CNTNAP3: variants seen among roughly 807,000 people sequenced by gnomAD.
CNTNAP3 encodes the protein contactin-associated protein-like 3.
CNTNAP3 carries 36 observed loss-of-function variants against 92.1 expected under a neutral mutation model. The observed-to-expected ratio is 0.39, with a 90% CI of 0.30 to 0.52. The LOEUF (loss-of-function observed/expected upper bound fraction) is 0.52. CNTNAP3 is among the 20% of genes least tolerant of loss of function. The pLI is 0.76. For missense variants in CNTNAP3, 534 were observed against 1,069.6 expected, an observed-to-expected ratio of 0.50 and a Z score of 6.98; for synonymous variants, 232 against 422.3, an observed-to-expected ratio of 0.55 and a Z score of 5.53.
chr9:39,147,172 A>C (rs770828378), intron 10 of CNTNAP3, among the ~76,000 whole-genome samples: 2 of 151,710 alleles, frequency 1.3e-5, no homozygotes, highest in Non-Finnish European at 2.9e-5. Context: ...AGCCATGTGG[A>C]ACTGTGAATC....
At chr9:39,087,590 C>T (rs1221238577) in intron 19 of CNTNAP3, among the ~76,000 whole-genome samples, 1 of 152,040 alleles carries the variant, frequency 6.6e-6, no homozygotes, top group African/African-American at 2.4e-5. Context: ...GGGTTCACGC[C>T]ATTCTCCTGC....
At chr9:39,161,656 C>CAAT (rs4062749) in intron 9 of CNTNAP3, among the ~76,000 whole-genome samples, 21,705 of 124,216 alleles carry the variant, frequency 0.17, 2,383 homozygotes, top group African/African-American at 0.21. Flanking sequence ...TCTCTACAAA[C>CAAT]AATAATAATA....
chr9:39,137,324 C>T (rs943969541), intron 12 of CNTNAP3, among the ~76,000 whole-genome samples: 2 of 151,858 alleles, frequency 1.3e-5, no homozygotes, highest in Non-Finnish European at 2.9e-5. Flanking sequence ...TTCTGTTATG[C>T]TGTTTTTGAT....
intron 21 of CNTNAP3, among the ~76,000 whole-genome samples, chr9:39,080,349 G>C (rs1308655801): frequency 7.3e-6 from 1 of 137,218 alleles, no homozygotes; most frequent in Non-Finnish European, 1.6e-5. Flanking sequence ...GCATCACCAG[G>C]AAACCTGGTG....
At chr9:39,115,646 G>T (rs921495681) in intron 14 of CNTNAP3, among the ~76,000 whole-genome samples, 23 of 151,988 alleles carry the variant, frequency 1.5e-4, no homozygotes, top group Non-Finnish European at 2.5e-4. Context: ...GCTCCCTTCT[G>T]AATGTAGGAG....
intron 10 of CNTNAP3, among the ~76,000 whole-genome samples, chr9:39,146,541 T>C (rs1821704354): frequency 1.3e-5 from 2 of 152,134 alleles, no homozygotes; most frequent in Non-Finnish European, 2.9e-5. Context: ...TACAAAAAAT[T>C]AGCCAGGTGT....
rs1370028972 is a variant in CNTNAP3 at position 39,133,524 on chromosome 9, G to C, written c.1877-389C>G. Among the ~76,000 whole-genome samples, 4 of 150,958 alleles carry C rather than the reference G, an allele frequency of 2.6e-5. No individual in the cohort carries two copies. In the East Asian group the frequency reaches 7.8e-4, roughly 29 times the overall value. ...ATGTGCCTCTATTTCTTTCATTATC[G>C]AATAAATTTATAAAAGATACATATT... On this transcript the variant is annotated intron_variant, in intron 12 of 23. Transcript: ENST00000297668.
At chr9:39,142,031 C>G (rs532240410) in intron 11 of CNTNAP3, among the ~76,000 whole-genome samples, 3 of 152,228 alleles carry the variant, frequency 2.0e-5, no homozygotes, top group African/African-American at 7.2e-5. Context: ...AAATTTCTAC[C>G]TATAGCCGTC....
At position 39,104,088 on chromosome 9, in the gene CNTNAP3, G is replaced by A. The variant is rs116002609; in HGVS notation, c.2366-174C>T. Among the ~76,000 whole-genome samples the A allele has an allele frequency of 8.2e-3, 1,245 of 152,244 alleles. 21 individuals carry two copies. The highest frequency in any genetic ancestry group is 0.029 in the African/African-American group (1,193 of 41,514). ...TACTGATGACATCAAGAGCTAAATGGTGATTATGGTGAGGATTAGAATTCT... is the reference window on the plus strand; with the variant it reads ...TACTGATGACATCAAGAGCTAAATGATGATTATGGTGAGGATTAGAATTCT... On this transcript the variant is annotated intron_variant, in intron 15 of 23. Transcript: ENST00000297668.
chr9:39,099,486 T>C (rs1225395929), intron 18 of CNTNAP3, among the ~76,000 whole-genome samples: 4 of 152,152 alleles, frequency 2.6e-5, no homozygotes, highest in African/African-American at 9.7e-5. Flanking sequence ...GGACAATGGG[T>C]AAGACGATTG....
chr9:39,098,623 T>C (rs1826380027), intron 18 of CNTNAP3, among the ~76,000 whole-genome samples: 1 of 152,200 alleles, frequency 6.6e-6, no homozygotes, highest in Non-Finnish European at 1.5e-5. Flanking sequence ...TTACTCCTGA[T>C]GTTGGCTTGA....
At chr9:39,109,385 A>T in intron 14 of CNTNAP3, 98 bp from the exon 15 acceptor site, 1 of 1,531,220 alleles carries the variant, frequency 6.5e-7, no homozygotes, top group Non-Finnish European at 8.8e-7. Flanking sequence ...AACATCATAG[A>T]GCTTAACAGA....
chr9:39,253,014 TACACAC>T (rs1178975952), intron 2 of CNTNAP3, among the ~76,000 whole-genome samples: 93 of 3,604 alleles, frequency 0.026, 29 homozygotes, highest in Middle Eastern at 0.33. Flanking sequence ...CAACTGAATA[TACACAC>T]ACACACACAC....
chr9:39,114,683 G>GT (rs1445205763), intron 14 of CNTNAP3, among the ~76,000 whole-genome samples: 11 of 151,962 alleles, frequency 7.2e-5, no homozygotes, highest in Non-Finnish European at 1.3e-4. Flanking sequence ...AATGAACAGA[G>GT]TTTACTCATA....
intron 1 of CNTNAP3, 137 bp downstream of exon 1, chr9:39,287,843 C>A: frequency 6.6e-6 from 1 of 151,740 alleles, no homozygotes; most frequent in South Asian, 5.9e-5. Context: ...GGTTGCAATT[C>A]CAAATTTTTT....
chr9:39,084,202 T>G (rs1402084163), intron 21 of CNTNAP3, among the ~76,000 whole-genome samples: 1 of 127,056 alleles, frequency 7.9e-6, no homozygotes. Flanking sequence ...AAGTTTTTTT[T>G]TTTTTTTTTT....
intron 21 of CNTNAP3, among the ~76,000 whole-genome samples, chr9:39,081,423 A>G (rs1185930514): frequency 2.0e-5 from 3 of 151,170 alleles, no homozygotes; most frequent in Non-Finnish European, 4.4e-5. Context: ...GGGGTCCTGC[A>G]CCCAGCCCCC....
At chr9:39,095,303 G>C (rs756745758) in intron 18 of CNTNAP3, among the ~76,000 whole-genome samples, 6 of 151,576 alleles carry the variant, frequency 4.0e-5, no homozygotes, top group Non-Finnish European at 7.4e-5. Flanking sequence ...ATTGAAATTT[G>C]GATGCCTTCT....
Position 39,256,402 on chromosome 9 carries a change from G to T in CNTNAP3, c.196+10494C>A, listed in dbSNP as rs1822846574. On this transcript the variant is annotated intron_variant, in intron 2 of 23. Coordinates refer to ENST00000297668, the MANE Select transcript of CNTNAP3 (RefSeq NM_033655.5). The stretch of plus-strand genomic sequence containing the variant: ...GCAGGCTTAGTAAAAATCTAGATTA[G>T]ATCTGGCAGCCAAAATCTAGATTAT... 9.2e-5 allele frequency among the ~76,000 whole-genome samples: 2 copies of T among 21,714 alleles called. 1 individual carries two copies. Among genetic ancestry groups the T allele is most frequent in the Non-Finnish European group, 2.1e-4 (2 of 9,674 alleles). The allele number at this position is 21,714 out of a possible 152,430, so 14.2% of individuals were successfully genotyped here.
Sources: allele counts gnomAD v4.1 joint callset (sites outside exome capture counted in the v4.1 genomes callset), GRCh38; gene constraint gnomAD v4.1.1; transcripts MANE v1.5; gene names NCBI Gene and HGNC (gene_info 2026-07-23, HGNC 2026-07-21).